Variants in SLC30A10 observed in about 807,000 individuals in gnomAD.
SLC30A10 encodes solute carrier family 30 member 10.
SLC30A10 carries 8 observed loss-of-function variants against 21.7 expected under a neutral mutation model. That is an observed-to-expected ratio of 0.37 (90% CI 0.22 to 0.67). SLC30A10 has a LOEUF of 0.67. SLC30A10 is among the 30% of genes least tolerant of loss of function. SLC30A10 has a pLI of 0.58. For missense variants in SLC30A10, 521 were observed against 642.5 expected (o/e 0.81, Z 2.04); for synonymous variants, 272 against 279.4 (o/e 0.97, Z 0.26).
rs1269528995 is a variant in SLC30A10 at position 219,917,551 on chromosome 1, A to G, written c.958+704T>C. On this transcript the variant is annotated intron_variant, in intron 3 of 3. Transcript: ENST00000366926. ...CCGCATTAACTAGAAAGCAGGGTCT[A>G]GAATATGAATGATTTGTGTTTTTAG... Among the ~76,000 whole-genome samples the G allele has an allele frequency of 3.3e-5, 5 of 152,194 alleles. No homozygotes were observed. In the East Asian group the frequency reaches 9.6e-4, roughly 29 times the overall value.
At chr1:219,917,827 C>T (rs995101550) in intron 3 of SLC30A10, among the ~76,000 whole-genome samples, 4 of 150,418 alleles carry the variant, frequency 2.7e-5, no homozygotes, top group South Asian at 2.1e-4. Flanking sequence ...TCTCCTGCCT[C>T]AGCCTCCCGA....
At chr1:219,951,747 G>A (rs916539731) in intron 1 of SLC30A10, among the ~76,000 whole-genome samples, 6 of 151,400 alleles carry the variant, frequency 4.0e-5, no homozygotes, top group Non-Finnish European at 7.4e-5. Context: ...GAAAAGAAAA[G>A]GAAAGAAACA....
At chr1:219,954,739 A>C (rs191358848) in intron 1 of SLC30A10, among the ~76,000 whole-genome samples, 16 of 152,026 alleles carry the variant, frequency 1.1e-4, no homozygotes, top group Non-Finnish European at 2.1e-4. Flanking sequence ...TTTTAAGAAA[A>C]AAATACTTTA....
At chr1:219,955,940 C>T (rs1175637027) in intron 1 of SLC30A10, among the ~76,000 whole-genome samples, 1 of 152,134 alleles carries the variant, frequency 6.6e-6, no homozygotes, top group Admixed American at 6.6e-5. Flanking sequence ...ATGGATTAAT[C>T]ATATTTGTTC....
At chr1:219,927,335 T>C (rs1019485849) in intron 1 of SLC30A10, among the ~76,000 whole-genome samples, 2 of 151,908 alleles carry the variant, frequency 1.3e-5, no homozygotes, top group African/African-American at 4.8e-5. Flanking sequence ...AGAGGGTGAA[T>C]GGGAGCCCAC....
At chr1:219,937,381 A>C (rs927592532) in intron 1 of SLC30A10, among the ~76,000 whole-genome samples, 5 of 152,082 alleles carry the variant, frequency 3.3e-5, no homozygotes, top group Admixed American at 3.3e-4. Context: ...GTTCAGAAAA[A>C]AAATCTTCTA....
rs183253440 is a variant in SLC30A10 at position 219,915,418 on chromosome 1, G to A, written c.*31C>T. Reference sequence around the variant, plus strand: ...CAAGCTTGTGGTTCCAAAGTGCCTCGTCTATATGGTCTGATTATGTGAGTA... The same window carrying A: ...CAAGCTTGTGGTTCCAAAGTGCCTCATCTATATGGTCTGATTATGTGAGTA... On this transcript the variant is annotated 3_prime_UTR_variant, in exon 4 of 4. Coordinates refer to ENST00000366926, the MANE Select transcript of SLC30A10 (RefSeq NM_018713.3). 85 of 1,591,682 alleles carry A rather than the reference G, an allele frequency of 5.3e-5. 1 individual carries two copies. The South Asian group carries it at 6.5e-4, about 12-fold the overall frequency.
At chr1:219,916,053 C>T in intron 3 of SLC30A10, 105 bp from the exon 4 acceptor site, 2 of 1,419,630 alleles carry the variant, frequency 1.4e-6, no homozygotes, top group Non-Finnish European at 1.9e-6. Context: ...AAAATGGCTG[C>T]CTACTTACTA....
chr1:219,935,963 A>G (rs887293472), intron 1 of SLC30A10, among the ~76,000 whole-genome samples: 1 of 152,200 alleles, frequency 6.6e-6, no homozygotes, highest in African/African-American at 2.4e-5. Context: ...ATCTAAACCC[A>G]AACCCCCTAG....
chr1:219,918,757 C>T lies in SLC30A10; in HGVS notation c.719-263G>A, dbSNP rs983588380. ...TGACCTGCAGGAAGAGCGACTGTGCCGTCTCACTGGGCCACATCGCTACCA... is the reference window on the plus strand; with the variant it reads ...TGACCTGCAGGAAGAGCGACTGTGCTGTCTCACTGGGCCACATCGCTACCA... On this transcript the variant is annotated intron_variant, in intron 2 of 3. Coordinates refer to ENST00000366926, the MANE Select transcript of SLC30A10 (RefSeq NM_018713.3). This position sits in a 1 kb window ranked among gnomAD's most constrained non-coding sequence, Gnocchi z 4.4. 1.1e-5 allele frequency: 4 copies of T among 365,946 alleles called. No homozygotes were observed. Among genetic ancestry groups the T allele is most frequent in the Non-Finnish European group, 1.5e-5 (3 of 206,366 alleles). 22.7% of individuals were successfully genotyped at this position (365,946 alleles called of 1,614,324 possible). A position where few individuals can be genotyped will look rare whatever the true frequency, so the allele number is the denominator to read the frequency against.
intron 1 of SLC30A10, among the ~76,000 whole-genome samples, chr1:219,940,646 G>A (rs1660107961): frequency 1.3e-5 from 2 of 152,190 alleles, no homozygotes; most frequent in African/African-American, 2.4e-5. Flanking sequence ...GGTATTATTA[G>A]ATGAGCTTCA....
intron 1 of SLC30A10, among the ~76,000 whole-genome samples, chr1:219,955,222 C>T (rs1660330581): frequency 6.6e-6 from 1 of 152,214 alleles, no homozygotes; most frequent in African/African-American, 2.4e-5. Flanking sequence ...CATGCACACA[C>T]AAAGCCATCG....
At chr1:219,932,843 C>A (rs550731199), upstream of SLC30A10, among the ~76,000 whole-genome samples, 1 of 150,676 alleles carries the variant, frequency 6.6e-6, no homozygotes, top group South Asian at 2.1e-4. Context: ...GGGCGCATCA[C>A]CTTAGGCCAG....
At chr1:219,949,607 G>A (rs113193317) in intron 1 of SLC30A10, among the ~76,000 whole-genome samples, 6,437 of 151,928 alleles carry the variant, frequency 0.042, 334 homozygotes, top group African/African-American at 0.13. Context: ...GGGACTGTTG[G>A]GGGGAGCGGG....
chr1:219,918,108 TA>T lies in SLC30A10; in HGVS notation c.958+146del. 9.1e-7 allele frequency: 1 copy of T among 1,098,606 alleles called. No homozygotes were observed. The highest frequency in any genetic ancestry group is 1.3e-6 in the Non-Finnish European group (1 of 763,778). The allele number at this position is 1,098,606 out of a possible 1,614,324, so 68.1% of individuals were successfully genotyped here. A position where few individuals can be genotyped will look rare whatever the true frequency, so the allele number is the denominator to read the frequency against. On this transcript the variant is annotated intron_variant, in intron 3 of 3. Coordinates refer to ENST00000366926, the MANE Select transcript of SLC30A10 (RefSeq NM_018713.3). This position sits in a 1 kb window ranked among gnomAD's most constrained non-coding sequence, Gnocchi z 4.4. ...GGAGCTGAGTCATCTTAATAGGCTA[TA>T]AAACATATGATGACATCTCTACCAC...
intron 2 of SLC30A10, among the ~76,000 whole-genome samples, chr1:219,924,466 C>T (rs753725493): frequency 1.4e-4 from 21 of 152,188 alleles, no homozygotes; most frequent in Non-Finnish European, 2.4e-4. Flanking sequence ...TAAGGTCCTT[C>T]TAGTTCTAAC....
chr1:219,947,102 C>T (rs1660196745), intron 1 of SLC30A10, among the ~76,000 whole-genome samples: 1 of 152,154 alleles, frequency 6.6e-6, no homozygotes, highest in African/African-American at 2.4e-5. Context: ...CTCTGCTGTT[C>T]CTTTGTAAGG....
intron 3 of SLC30A10, among the ~76,000 whole-genome samples, chr1:219,917,782 C>T (rs1659580805): frequency 2.1e-5 from 3 of 142,992 alleles, no homozygotes; most frequent in South Asian, 4.4e-4. Flanking sequence ...GCAATCTCAG[C>T]TCCCTGCAAC....
rs59792236 is a variant in SLC30A10 at position 219,912,170 on chromosome 1, C to CAAAAAAA, written c.*3272_*3278dup. Among the ~76,000 whole-genome samples, 1 of 74,722 alleles carries CAAAAAAA rather than the reference C, an allele frequency of 1.3e-5. No individual in the cohort carries two copies. The highest frequency in any genetic ancestry group is 5.5e-5 in the African/African-American group (1 of 18,304). 49.0% of individuals were successfully genotyped at this position (74,722 alleles called of 152,430 possible). On this transcript the variant is annotated 3_prime_UTR_variant, in exon 4 of 4. Coordinates refer to ENST00000366926, the MANE Select transcript of SLC30A10 (RefSeq NM_018713.3). ...CCACTGGAATTTGCTCTACCAATGGCAAAAAAAAAAAAAAAAAAAAAAAAA... is the reference window on the plus strand; with the variant it reads ...CCACTGGAATTTGCTCTACCAATGGCAAAAAAAAAAAAAAAAAAAAAAAAAAAAAAAA...
Sources: gnomAD v4.1 joint callset for allele counts (sites outside exome capture counted in the v4.1 genomes callset) on GRCh38, gnomAD v4.1.1 for gene constraint, Gnocchi (gnomAD v3.1) non-coding constraint, MANE v1.5 for transcripts, NCBI Gene and HGNC (gene_info 2026-07-23, HGNC 2026-07-21) for gene names.